The following PIP5K1C variants were observed in gnomAD, a reference collection of about 807,000 sequenced individuals.
The protein encoded by PIP5K1C is phosphatidylinositol-4-phosphate 5-kinase type 1 gamma, also known as phosphatidylinositol 4-phosphate 5-kinase type-1 gamma.
PIP5K1C carries 45 observed loss-of-function variants against 80.1 expected under a neutral mutation model. The ratio of observed to expected loss-of-function variants is 0.56; its 90% CI spans 0.44 to 0.72. The LOEUF is 0.72. Ranked by LOEUF, PIP5K1C falls within the 30% of genes least tolerant of loss-of-function variation. The pLI, the probability that PIP5K1C is intolerant of heterozygous loss-of-function variation, is 0.00. For missense variants in PIP5K1C, 753 were observed against 954.6 expected (o/e 0.79, Z 2.78); for synonymous variants, 498 against 420.1 (o/e 1.19, Z -2.27).
At position 3,643,274 on chromosome 19, in the gene PIP5K1C, G is replaced by C. The variant is rs773003605; in HGVS notation, c.1618C>G (p.Pro540Ala). ...STSLSIPERS[P>A]SETSEQPRYR... ...CGCGGCTGCTCCGACGTCTCCGAGG[G>C]GGACCGCTCAGGAATGGAGAGGGAT... Residue 540 changes from proline (P) to alanine (A), a missense_variant, in exon 13 of 18, where the codon CCC becomes GCC. This residue lies in a region of PIP5K1C where 315 missense variants were observed against 294.5 expected (regional missense o/e 1.07). Transcript: ENST00000335312. 1.9e-6 allele frequency: 3 copies of C among 1,613,834 alleles called. No individual in the cohort carries two copies. Among genetic ancestry groups the C allele is most frequent in the African/African-American group, 2.7e-5 (2 of 74,924 alleles).
In PIP5K1C at chr19:3,643,389, G is replaced by C. The variant is rs376029185; in HGVS notation, c.1511-8C>G. 6.2e-7 allele frequency: 1 copy of C among 1,613,070 alleles called. No homozygotes were observed. Among genetic ancestry groups the C allele is most frequent in the African/African-American group, 1.3e-5 (1 of 74,880 alleles). On this transcript the variant is annotated splice_polypyrimidine_tract_variant and splice_region_variant and intron_variant, in intron 12 of 17. Coordinates refer to ENST00000335312, the MANE Select transcript of PIP5K1C (RefSeq NM_012398.3). Reference sequence around the variant, plus strand: ...GCAGGAGGTCGGGCCGGCCTGAGGGGAGAGGACTGTGGGCACCTTGCGGAG... The same window carrying C: ...GCAGGAGGTCGGGCCGGCCTGAGGGCAGAGGACTGTGGGCACCTTGCGGAG...
chr19:3,666,830 T>C (rs562005710), intron 2 of PIP5K1C, among the ~76,000 whole-genome samples: 3 of 151,590 alleles, frequency 2.0e-5, no homozygotes, highest in Admixed American at 6.6e-5. Flanking sequence ...CATGCACACA[T>C]AGGCTGCACA....
In PIP5K1C at chr19:3,631,754, C is replaced by T. The variant is rs908392030; in HGVS notation, c.*1413G>A. On this transcript the variant is annotated 3_prime_UTR_variant, in exon 18 of 18. Transcript: ENST00000335312. ...GGGACGTGAACAGCGGGTGGCGTGG[C>T]GTCATACGGAGGTTGTAACAGACAA... The T allele has an allele frequency of 6.6e-6, 1 of 152,266 alleles. No homozygotes were observed. Among genetic ancestry groups the T allele is most frequent in the Non-Finnish European group, 1.5e-5 (1 of 68,094 alleles). The allele number at this position is 152,266 out of a possible 1,614,324, so 9.4% of individuals were successfully genotyped here.
At position 3,700,369 on chromosome 19, in the gene PIP5K1C, C is replaced by T. The variant is rs1160321943; in HGVS notation, c.22G>A (p.Glu8Lys). 1.2e-5 allele frequency: 15 copies of T among 1,273,366 alleles called. No individual in the cohort carries two copies. Among genetic ancestry groups the T allele is most frequent in the South Asian group, 1.5e-5 (1 of 64,594 alleles). 78.9% of individuals were successfully genotyped at this position (1,273,366 alleles called of 1,614,324 possible). ...GCCCCCGCCTCAGCGCTCTCCGCCT[C>T]GTCCGGTACCTCCAGCTCCATGGCC... Reference protein sequence around the residue: MELEVPDEAESAEAGAVP... With the variant: MELEVPDKAESAEAGAVP... Residue 8 changes from glutamate to lysine, a missense_variant, in exon 1 of 18, where the codon GAG (glutamate) becomes AAG (lysine). Physicochemically the swap from Glu to Lys is moderately conservative, Grantham distance 56. This residue lies in a region of PIP5K1C where 78 missense variants were observed against 67.1 expected (regional missense o/e 1.16). Coordinates refer to ENST00000335312, the MANE Select transcript of PIP5K1C (RefSeq NM_012398.3).
rs532723971 is a variant in PIP5K1C at position 3,679,566 on chromosome 19, T to C, written c.95-12213A>G. Among the ~76,000 whole-genome samples, 279 of 152,218 alleles carry C rather than the reference T, an allele frequency of 1.8e-3. 3 individuals carry two copies. The highest frequency in any genetic ancestry group is 6.3e-3 in the African/African-American group (260 of 41,528). On this transcript the variant is annotated intron_variant, in intron 1 of 17. Transcript: ENST00000335312. ...TTGCTCTCCCAGACCTACTCGCTAC[T>C]CAGTAGGGGCGCAGCAGCACCGGTG...
At chr19:3,653,733 C>T in intron 6 of PIP5K1C, 144 bp from the exon 7 acceptor site, 2 of 718,528 alleles carry the variant, frequency 2.8e-6, no homozygotes, top group Non-Finnish European at 4.5e-6. Flanking sequence ...GGACCCCGTT[C>T]CTATGCAGGC....
intron 16 of PIP5K1C, among the ~76,000 whole-genome samples, chr19:3,633,913 C>G (rs2033564532): frequency 6.6e-6 from 1 of 152,162 alleles, no homozygotes; most frequent in African/African-American, 2.4e-5. Context: ...GCCACGGGCA[C>G]CAGCGCACAG....
chr19:3,653,273 C>T lies in PIP5K1C; in HGVS notation c.921+17G>A, dbSNP rs200897756. ...CCACCTGCCACCCTCCCTCCCCGGC[C>T]GGGGCCGAGCCCTCACCAGGCAGTC... On this transcript the variant is annotated intron_variant, in intron 7 of 17. Transcript: ENST00000335312. 48 of 1,601,398 alleles carry T rather than the reference C, an allele frequency of 3.0e-5. No homozygotes were observed. Among genetic ancestry groups the T allele is most frequent in the Middle Eastern group, 3.3e-4 (2 of 6,034 alleles).
intron 5 of PIP5K1C, 59 bp downstream of exon 5, chr19:3,660,907 C>T (rs1020157345): frequency 1.4e-5 from 19 of 1,399,938 alleles, no homozygotes; most frequent in East Asian, 4.6e-5. Context: ...ACAGACCCTC[C>T]GAGACCCTGA....
At position 3,661,955 on chromosome 19, in the gene PIP5K1C, T is replaced by C; in HGVS notation, c.266A>G (p.Tyr89Cys). 6.2e-7 allele frequency: 1 copy of C among 1,610,984 alleles called. No homozygotes were observed. Among genetic ancestry groups the C allele is most frequent in the Non-Finnish European group, 8.5e-7 (1 of 1,179,276 alleles). Residue 89 changes from tyrosine (Y) to cysteine (C), a missense_variant, in exon 4 of 18, where the codon TAC becomes TGC. Physicochemically the swap from Tyr to Cys is radical, Grantham distance 194. This residue lies in a region of PIP5K1C where 139 missense variants were observed against 289.7 expected (regional missense o/e 0.48). Transcript: ENST00000335312. Reference protein sequence around the residue: ...LKGAIQLGIGYTVGHLSSKPE... With the variant: ...LKGAIQLGIGCTVGHLSSKPE... The stretch of plus-strand genomic sequence containing the variant: ...CTTGGAGCTCAGGTGGCCCACGGTG[T>C]AGCCGATGCCCAGCTGGATGGCACC...
At chr19:3,652,059 C>T (rs377513303) in intron 7 of PIP5K1C, 28 bp from the exon 8 acceptor site, 14 of 1,604,420 alleles carry the variant, frequency 8.7e-6, no homozygotes, top group Admixed American at 6.7e-5. Context: ...GAACACGCCA[C>T]GCCGTCAGCC....
In PIP5K1C at chr19:3,688,179, G is replaced by C. The variant is rs1360368649; in HGVS notation, c.94+12118C>G. 6.6e-6 allele frequency among the ~76,000 whole-genome samples: 1 copy of C among 152,322 alleles called. No homozygotes were observed. The highest frequency in any genetic ancestry group is 2.1e-4 in the South Asian group (1 of 4,830). On this transcript the variant is annotated intron_variant, in intron 1 of 17. Transcript: ENST00000335312. This position sits in a 1 kb window ranked among gnomAD's most constrained non-coding sequence, Gnocchi z 5.3. ...GCGCGTGGTCCCCACCTCCTTGCGC[G>C]CTCCGTCTCCAGCACAGCAGAGGTG...
intron 1 of PIP5K1C, among the ~76,000 whole-genome samples, chr19:3,674,520 C>T (rs1397991721): frequency 4.0e-5 from 6 of 148,840 alleles, no homozygotes; most frequent in African/African-American, 1.2e-4. Flanking sequence ...CTCCGCCTCC[C>T]GGGTTCAAGC....
At chr19:3,654,427 C>T (rs2034551983) in intron 6 of PIP5K1C, among the ~76,000 whole-genome samples, 1 of 152,244 alleles carries the variant, frequency 6.6e-6, no homozygotes, top group Admixed American at 6.5e-5. Context: ...CAGGCACCAG[C>T]CTGGGCAGGC....
chr19:3,633,026 C>T lies in PIP5K1C; in HGVS notation c.*141G>A. 1.8e-6 allele frequency: 1 copy of T among 565,216 alleles called. No individual in the cohort carries two copies. The highest frequency in any genetic ancestry group is 3.2e-6 in the Non-Finnish European group (1 of 311,246). 35.0% of individuals were successfully genotyped at this position (565,216 alleles called of 1,614,324 possible). ...CGGGGAGGGGCCCGGCCGTCGGCAT[C>T]CGTGCAGGGGGAGGACGAGGTCCGG... On this transcript the variant is annotated 3_prime_UTR_variant, in exon 18 of 18. Transcript: ENST00000335312.
chr19:3,677,934 T>TGGAGGGATGGAG (rs1349671316), intron 1 of PIP5K1C, among the ~76,000 whole-genome samples: 2 of 52,790 alleles, frequency 3.8e-5, no homozygotes, highest in African/African-American at 8.1e-5. Context: ...GGATGGAGAA[T>TGGAGGGATGGAG]GGAGGGATGG....
chr19:3,683,963 G>A (rs1241106622), intron 1 of PIP5K1C, among the ~76,000 whole-genome samples: 6 of 130,438 alleles, frequency 4.6e-5, no homozygotes, highest in Admixed American at 3.6e-4. Context: ...TCCTCTCCCG[G>A]GCAGTCCCAC....
Position 3,642,822 on chromosome 19 carries a change from G to A in PIP5K1C, c.1682+85C>T, listed in dbSNP as rs951881616. 1.5e-5 allele frequency: 16 copies of A among 1,080,252 alleles called. No homozygotes were observed. In the Admixed American group the frequency reaches 1.5e-4, roughly 10 times the overall value. The allele number at this position is 1,080,252 out of a possible 1,614,324, so 66.9% of individuals were successfully genotyped here. A position where few individuals can be genotyped will look rare whatever the true frequency, so the allele number is the denominator to read the frequency against. ...CCCAGGAGAGAATGGGCAGAGAGCA[G>A]AGGGGCTGGGGGGCGGGAAACGGAG... On this transcript the variant is annotated intron_variant, in intron 14 of 17. Transcript: ENST00000335312.
intron 1 of PIP5K1C, 148 bp downstream of exon 1, chr19:3,700,149 G>T: frequency 6.6e-6 from 2 of 303,256 alleles, no homozygotes; most frequent in Non-Finnish European, 1.0e-5. Context: ...CCTCCCCGCG[G>T]CTCCAGGGGA....
Sources: gnomAD v4.1 joint callset for allele counts (sites outside exome capture counted in the v4.1 genomes callset) on GRCh38, gnomAD v4.1.1 for gene constraint, gnomAD v4.1.1 regional missense constraint, Gnocchi (gnomAD v3.1) non-coding constraint, MANE v1.5 for transcripts, NCBI Gene and HGNC (gene_info 2026-07-23, HGNC 2026-07-21) for gene names.